Variants in PSTPIP1 observed in about 807,000 individuals in gnomAD.
PSTPIP1 encodes the protein proline-serine-threonine phosphatase interacting protein 1, also known as proline-serine-threonine phosphatase-interacting protein 1.
A neutral mutation model predicts 69.6 loss-of-function variants in PSTPIP1; 66 were observed. The observed-to-expected ratio is 0.95, with a 90% confidence interval of 0.78 to 1.16. The LOEUF (loss-of-function observed/expected upper bound fraction) is 1.16. Among genes scored for constraint, PSTPIP1 ranks in the 50% most tolerant of loss-of-function variants. The pLI is 0.00. For synonymous variants in PSTPIP1, 266 were observed against 222.7 expected, an observed-to-expected ratio of 1.19 and a Z score of -1.73; for missense variants, 603 against 557.4, an observed-to-expected ratio of 1.08 and a Z score of -0.82.
chr15:77,009,384 C>A (rs1035235500), intron 1 of PSTPIP1, among the ~76,000 whole-genome samples: 29 of 152,198 alleles, frequency 1.9e-4, no homozygotes, highest in Non-Finnish European at 3.1e-4. Context: ...GGGAGCCTGC[C>A]AGCCCTCACA....
chr15:77,036,259 C>A (rs1259081682), intron 14 of PSTPIP1, among the ~76,000 whole-genome samples: 2 of 152,180 alleles, frequency 1.3e-5, no homozygotes, highest in South Asian at 4.1e-4. Context: ...TGTACCTATG[C>A]CGTCCACACA....
chr15:76,995,758 C>A, intron 1 of PSTPIP1, 149 bp downstream of exon 1: 1 of 1,409,018 alleles, frequency 7.1e-7, no homozygotes, highest in Non-Finnish European at 9.8e-7. Context: ...TGGAGGTGGC[C>A]CAGGCCCCCA....
rs1468002596 is a variant in PSTPIP1, at chr15:77,027,873, G to T, written c.376G>T (p.Val126Phe). ...GCAGTATGAGGCCGTCATGGACCGG[G>T]TCCAGAAGAGCAAGCTGTCGCTCTA... is the stretch of plus-strand genomic sequence containing the variant. ...RKKYEAVMDR[V>F]QKSKLSLYKK... The change falls in exon 6 of 15, where the codon GTC becomes TTC. Residue 126 changes from valine to phenylalanine, a missense_variant. Coordinates refer to ENST00000558012, the MANE Select transcript of PSTPIP1 (RefSeq NM_003978.5). This position sits in a 1 kb window ranked among gnomAD's most constrained non-coding sequence, Gnocchi z 4.3. 19 of 1,569,866 alleles carry T rather than the reference G, an allele frequency of 1.2e-5. No homozygotes were observed. Among genetic ancestry groups the T allele is most frequent in the Non-Finnish European group, 1.6e-5 (19 of 1,158,300 alleles).
In PSTPIP1 at chr15:77,028,545, C is replaced by T. The variant is rs763395091; in HGVS notation, c.418-9C>T. The stretch of plus-strand genomic sequence containing the variant: ...GCAGCCCCCAAGTCACGCCCCTCCA[C>T]ACCCCCAGTCCAAGAAGACATACGA... On this transcript the variant is annotated splice_polypyrimidine_tract_variant and intron_variant, in intron 6 of 14. Transcript: ENST00000558012. The T allele has an allele frequency of 1.3e-6, 2 of 1,593,334 alleles. No homozygotes were observed. The highest frequency in any genetic ancestry group is 1.7e-6 in the Non-Finnish European group (2 of 1,170,952).
intron 6 of PSTPIP1, chr15:77,028,211 C>T (rs922249543): frequency 5.9e-6 from 3 of 512,742 alleles, no homozygotes; most frequent in Non-Finnish European, 1.1e-5. Context: ...CTTGATCCTG[C>T]GAGACGCTGG....
chr15:77,037,128 G>A lies in PSTPIP1; in HGVS notation c.1203G>A (p.Arg401=), dbSNP rs372384486. 1.4e-5 allele frequency: 23 copies of A among 1,612,176 alleles called. No individual in the cohort carries two copies. Among genetic ancestry groups the A allele is most frequent in the Non-Finnish European group, 1.7e-5 (20 of 1,179,704 alleles). ...EGEDGWWTVE[R]NGQRGFVPGS... ...AGGATGGCTGGTGGACTGTGGAGAG[G>A]AACGGGCAGCGTGGCTTCGTCCCTG... The change falls in exon 15 of 15, where the codon AGG becomes AGA. Residue 401 remains arginine, a synonymous_variant. Coordinates refer to ENST00000558012, the MANE Select transcript of PSTPIP1 (RefSeq NM_003978.5).
At chr15:77,034,926 G>A (rs1010208114) in intron 12 of PSTPIP1, among the ~76,000 whole-genome samples, 1 of 152,250 alleles carries the variant, frequency 6.6e-6, no homozygotes, top group Non-Finnish European at 1.5e-5. Context: ...AAGTAGCCCA[G>A]CGCTGTCCCG....
intron 1 of PSTPIP1, among the ~76,000 whole-genome samples, chr15:76,996,687 C>G (rs1220432885): frequency 1.3e-5 from 2 of 152,244 alleles, no homozygotes; most frequent in Admixed American, 6.5e-5. Flanking sequence ...TCTGACTGTA[C>G]AGTAGGCAAA....
intron 3 of PSTPIP1, 46 bp from the exon 4 acceptor site, chr15:77,025,238 C>T: frequency 1.3e-6 from 2 of 1,567,554 alleles, no homozygotes; most frequent in African/African-American, 1.4e-5. Context: ...ACTGTAGGTT[C>T]CCGCTGTGCT....
intron 5 of PSTPIP1, among the ~76,000 whole-genome samples, chr15:77,025,911 T>A (rs1482666558): frequency 6.6e-6 from 1 of 152,136 alleles, no homozygotes; most frequent in African/African-American, 2.4e-5. Context: ...AACTTGGCAG[T>A]GTCCAGAGGA....
At chr15:77,025,833 G>A (rs2076268841) in intron 5 of PSTPIP1, among the ~76,000 whole-genome samples, 2 of 152,174 alleles carry the variant, frequency 1.3e-5, no homozygotes, top group Non-Finnish European at 2.9e-5. Context: ...CCCATGGAAG[G>A]TCCTTCCTGT....
intron 3 of PSTPIP1, among the ~76,000 whole-genome samples, chr15:77,023,397 G>A (rs1049571987): frequency 1.3e-5 from 2 of 152,318 alleles, no homozygotes; most frequent in South Asian, 4.1e-4. Flanking sequence ...AACGGGCGGA[G>A]GGGCAGAGAG....
chr15:77,017,816 T>G (rs2076081889), intron 1 of PSTPIP1, among the ~76,000 whole-genome samples: 1 of 152,230 alleles, frequency 6.6e-6, no homozygotes, highest in Non-Finnish European at 1.5e-5. Context: ...CAGGCCTGGC[T>G]GTCATCAGGG....
At position 77,028,592 on chromosome 15, in the gene PSTPIP1, CGA is replaced by C; in HGVS notation, c.457_458del (p.Asp153ArgfsTer9). On this transcript the variant is annotated frameshift_variant, in exon 7 of 15. Coordinates refer to ENST00000558012, the MANE Select transcript of PSTPIP1 (RefSeq NM_003978.5). LOFTEE classifies it high-confidence loss of function. ...ACGAGCAGAAGTGCCGGGACGCGGA[CGA>C]CGCGGAGCAGGCCTTCGAGCGCATT... ...TYEQKCRDADDAEQAFERISA... is the reference protein window; with the variant it reads ...TYEQKCRDADXAEQAFERISA... The C allele has an allele frequency of 6.2e-7, 1 of 1,603,264 alleles. No individual in the cohort carries two copies. The highest frequency in any genetic ancestry group is 2.3e-5 in the East Asian group (1 of 44,266).
chr15:77,020,973 C>T (rs1478454394), intron 3 of PSTPIP1, among the ~76,000 whole-genome samples: 4 of 152,178 alleles, frequency 2.6e-5, no homozygotes, highest in Non-Finnish European at 5.9e-5. Flanking sequence ...TAGGGGAAGC[C>T]CCTGGCCTCC....
intron 1 of PSTPIP1, among the ~76,000 whole-genome samples, chr15:77,009,945 T>C (rs558091886): frequency 5.6e-4 from 85 of 152,308 alleles, no homozygotes; most frequent in Admixed American, 1.8e-3. Context: ...CTGGTGCCCC[T>C]GGCTGGTCAC....
At position 77,027,784 on chromosome 15, in the gene PSTPIP1, C is replaced by G; in HGVS notation, c.355-68C>G. ...GCTGCGCCTCATCCCAGGGACACTC[C>G]GTCCTCTTGGCCTAGGGGAGCCTCC... On this transcript the variant is annotated intron_variant, in intron 5 of 14. Transcript: ENST00000558012. This position sits in a 1 kb window ranked among gnomAD's most constrained non-coding sequence, Gnocchi z 4.3. 1 of 1,538,344 alleles carries G rather than the reference C, an allele frequency of 6.5e-7. No homozygotes were observed. The highest frequency in any genetic ancestry group is 8.8e-7 in the Non-Finnish European group (1 of 1,136,984).
rs893354130 is a variant in PSTPIP1 at position 77,000,476 on chromosome 15, TACAC to T, written c.36+4891_36+4894del. 2.1e-3 allele frequency among the ~76,000 whole-genome samples: 306 copies of T among 146,856 alleles called. 2 individuals are homozygous for T. The highest frequency in any genetic ancestry group is 7.3e-3 in the African/African-American group (286 of 39,062). On this transcript the variant is annotated intron_variant, in intron 1 of 14. Transcript: ENST00000558012. The stretch of plus-strand genomic sequence containing the variant: ...TTAAAGAGAGATATATATATATATA[TACAC>T]ACACACACACACACACACACACATA...
Position 77,035,912 on chromosome 15 carries a change from G to T in PSTPIP1, c.1096G>T (p.Ala366Ser). 1 of 1,607,840 alleles carries T rather than the reference G, an allele frequency of 6.2e-7. No homozygotes were observed. Among genetic ancestry groups the T allele is most frequent in the Non-Finnish European group, 8.5e-7 (1 of 1,178,606 alleles). The stretch of plus-strand genomic sequence containing the variant: ...GGCCTCACCAGCCCAGGAGTACCGG[G>T]CGCTCTACGATTATACAGCGCAGGT... ...NPASPAQEYR[A>S]LYDYTAQNPD... Residue 366 changes from alanine (A) to serine (S), a missense_variant, in exon 14 of 15, where the codon GCG becomes TCG. Transcript: ENST00000558012.
Sources: gnomAD v4.1 joint callset for allele counts (sites outside exome capture counted in the v4.1 genomes callset) on GRCh38, gnomAD v4.1.1 for gene constraint, Gnocchi (gnomAD v3.1) non-coding constraint, MANE v1.5 for transcripts, NCBI Gene and HGNC (gene_info 2026-07-23, HGNC 2026-07-21) for gene names.